The following HIVEP1 variants were observed in gnomAD, a reference collection of about 807,000 sequenced individuals.
HIVEP1 encodes the protein zinc finger protein 40.
HIVEP1 carries 36 observed loss-of-function variants against 180.0 expected under a neutral mutation model. The ratio of observed to expected loss-of-function variants is 0.20; its 90% CI spans 0.15 to 0.26. The LOEUF (loss-of-function observed/expected upper bound fraction) is 0.26. HIVEP1 is among the 10% of genes least tolerant of loss of function. The probability of loss-of-function intolerance (pLI) is 1.00; values close to 1 mark genes in which losing one functional copy is unlikely to be tolerated. For synonymous variants in HIVEP1, 1,239 were observed against 1,239.0 expected, an observed-to-expected ratio of 1.00 and a Z score of 0.00; for missense variants, 3,143 against 3,268.7, an observed-to-expected ratio of 0.96 and a Z score of 0.94.
At chr6:12,045,966 AT>A (rs573118179) in intron 2 of HIVEP1, among the ~76,000 whole-genome samples, 132 of 152,250 alleles carry the variant, frequency 8.7e-4, no homozygotes, top group Non-Finnish European at 1.6e-3. Context: ...AATACTTGAA[AT>A]TTTTTTGTGA....
At chr6:12,158,427 T>C (rs536152216) in intron 7 of HIVEP1, among the ~76,000 whole-genome samples, 1 of 152,288 alleles carries the variant, frequency 6.6e-6, no homozygotes, top group East Asian at 1.9e-4. Context: ...AGTTCTAGTT[T>C]TAGGTCTTCC....
Position 12,043,938 on chromosome 6 carries a change from T to A in HIVEP1, c.40+28270T>A, listed in dbSNP as rs189240726. Among the ~76,000 whole-genome samples the A allele has an allele frequency of 1.6e-3, 240 of 152,252 alleles. 2 individuals are homozygous for A. Among genetic ancestry groups the A allele is most frequent in the African/African-American group, 5.6e-3 (233 of 41,530 alleles). ...GTTTCCACAGAGTTTTGCTTCAGAG[T>A]AATCTGAGGGGTGGATCTCGGGTGT... On this transcript the variant is annotated intron_variant, in intron 2 of 8. Coordinates refer to ENST00000379388, the MANE Select transcript of HIVEP1 (RefSeq NM_002114.4).
chr6:12,027,049 A>G (rs1440521243), intron 2 of HIVEP1, among the ~76,000 whole-genome samples: 4 of 152,234 alleles, frequency 2.6e-5, no homozygotes, highest in Non-Finnish European at 4.4e-5. Flanking sequence ...TTATTTACAT[A>G]CTGACCATGG....
chr6:12,186,867 T>C, the HIVEP1 span, among the ~76,000 whole-genome samples: 2 of 150,022 alleles, frequency 1.3e-5, no homozygotes, highest in African/African-American at 4.9e-5. Flanking sequence ...GTTTCAGGAT[T>C]AAAAGAAGAG....
intron 2 of HIVEP1, among the ~76,000 whole-genome samples, chr6:12,085,531 C>G (rs1773063053): frequency 6.6e-6 from 1 of 152,114 alleles, no homozygotes; most frequent in Non-Finnish European, 1.5e-5. Flanking sequence ...AAAGTAGGAG[C>G]CCCTCTGGGA....
downstream of HIVEP1, among the ~76,000 whole-genome samples, chr6:12,168,283 T>TACA (rs759284062): frequency 0.2 from 23,669 of 116,392 alleles, 3,453 homozygotes; most frequent in East Asian, 0.45. Flanking sequence ...TATACATATA[T>TACA]TATATACATA....
intron 2 of HIVEP1, among the ~76,000 whole-genome samples, chr6:12,070,510 T>G (rs1771899931): frequency 6.6e-6 from 1 of 152,160 alleles, no homozygotes; most frequent in Non-Finnish European, 1.5e-5. Flanking sequence ...GCCAACATGG[T>G]GCAACCCTGC....
At chr6:12,143,332 A>G (rs573052077) in intron 7 of HIVEP1, among the ~76,000 whole-genome samples, 3 of 152,246 alleles carry the variant, frequency 2.0e-5, no homozygotes, top group East Asian at 1.9e-4. Flanking sequence ...ACAAAATTCA[A>G]TAGCCCTTCA....
intron 3 of HIVEP1, among the ~76,000 whole-genome samples, chr6:12,093,422 T>A (rs894099080): frequency 6.6e-6 from 1 of 151,544 alleles, no homozygotes; most frequent in African/African-American, 2.4e-5. Flanking sequence ...TTTTTTGTAT[T>A]TTTATTTGTC....
At chr6:12,116,717 A>G (rs894961777) in intron 3 of HIVEP1, among the ~76,000 whole-genome samples, 4 of 152,116 alleles carry the variant, frequency 2.6e-5, no homozygotes, top group African/African-American at 9.7e-5. Flanking sequence ...ACAACTCAAA[A>G]AAGACTGTCA....
intron 7 of HIVEP1, among the ~76,000 whole-genome samples, chr6:12,141,071 A>T (rs1758994186): frequency 6.6e-6 from 1 of 152,202 alleles, no homozygotes; most frequent in Non-Finnish European, 1.5e-5. Flanking sequence ...TAATTGTCAG[A>T]TTCACCAAGG....
chr6:12,162,011 A>G lies in HIVEP1; in HGVS notation c.6978+82A>G, dbSNP rs1760440312. The stretch of plus-strand genomic sequence containing the variant: ...GGAGAACTTAATGGCTTAAGAAAAT[A>G]ATGCACTTAAGTGATTTTTTTAGGC... On this transcript the variant is annotated intron_variant, in intron 8 of 8. Transcript: ENST00000379388. The G allele has an allele frequency of 6.2e-6, 8 of 1,291,586 alleles. No individual in the cohort carries two copies. In the African/African-American group the frequency reaches 1.0e-4, roughly 17 times the overall value. 80.0% of individuals were successfully genotyped at this position (1,291,586 alleles called of 1,614,324 possible). A position where few individuals can be genotyped will look rare whatever the true frequency, so the allele number is the denominator to read the frequency against.
intron 3 of HIVEP1, among the ~76,000 whole-genome samples, chr6:12,113,451 G>A (rs1168193917): frequency 6.6e-6 from 1 of 152,026 alleles, no homozygotes; most frequent in African/African-American, 2.4e-5. Context: ...CTGAAGCGGA[G>A]TGAGTCAGGG....
chr6:12,192,359 T>C, the HIVEP1 span, among the ~76,000 whole-genome samples: 1 of 152,236 alleles, frequency 6.6e-6, no homozygotes, highest in Admixed American at 6.5e-5. Flanking sequence ...GATATTTCAT[T>C]ACATGCATAG....
the HIVEP1 span, among the ~76,000 whole-genome samples, chr6:12,177,720 A>C: frequency 1.3e-5 from 2 of 152,124 alleles, no homozygotes; most frequent in Non-Finnish European, 2.9e-5. Context: ...TCTAAACCAC[A>C]ATGTGTCTTT....
At chr6:12,023,601 T>C (rs1768393265) in intron 2 of HIVEP1, among the ~76,000 whole-genome samples, 1 of 152,166 alleles carries the variant, frequency 6.6e-6, no homozygotes, top group African/African-American at 2.4e-5. Flanking sequence ...TAGCTGACAG[T>C]GCTTAGTTTG....
chr6:12,054,255 A>T (rs1023723382), intron 2 of HIVEP1, among the ~76,000 whole-genome samples: 1 of 152,252 alleles, frequency 6.6e-6, no homozygotes, highest in Non-Finnish European at 1.5e-5. Flanking sequence ...TATGGTATGA[A>T]AAACAGTATA....
chr6:12,097,227 G>A (rs1773833202), intron 3 of HIVEP1, among the ~76,000 whole-genome samples: 1 of 151,450 alleles, frequency 6.6e-6, no homozygotes, highest in South Asian at 2.1e-4. Context: ...GTACATCTTA[G>A]TCTCTTAATG....
chr6:12,185,989 G>T, the HIVEP1 span, among the ~76,000 whole-genome samples: 1 of 152,142 alleles, frequency 6.6e-6, no homozygotes, highest in Non-Finnish European at 1.5e-5. Context: ...ATATGTACAT[G>T]AATGTTCACC....
Sources: gnomAD v4.1 joint callset for allele counts (sites outside exome capture counted in the v4.1 genomes callset) on GRCh38, gnomAD v4.1.1 for gene constraint, MANE v1.5 for transcripts, NCBI Gene and HGNC (gene_info 2026-07-23, HGNC 2026-07-21) for gene names.